Variants in TOX observed in about 807,000 individuals in gnomAD.
The protein encoded by TOX is thymocyte selection-associated high mobility group box protein TOX.
In TOX, 11 loss-of-function variants were observed where a neutral mutation model predicts 53.7. That is an observed-to-expected ratio of 0.20 (90% CI 0.13 to 0.34). The LOEUF (loss-of-function observed/expected upper bound fraction) is 0.34, where lower values mean the gene tolerates loss of function less well. TOX is among the 10% of genes least tolerant of loss of function. The pLI, the probability that TOX is intolerant of heterozygous loss-of-function variation, is 1.00. For synonymous variants in TOX, 225 were observed against 245.3 expected (o/e 0.92, Z 0.77); for missense variants, 570 against 664.6 (o/e 0.86, Z 1.56).
At chr8:59,039,509 C>T (rs1310103417) in intron 1 of TOX, among the ~76,000 whole-genome samples, 1 of 152,144 alleles carries the variant, frequency 6.6e-6, no homozygotes, top group Non-Finnish European at 1.5e-5. Flanking sequence ...TTTTTGTTTA[C>T]ATCTTCATTA....
intron 3 of TOX, among the ~76,000 whole-genome samples, chr8:58,866,775 G>A (rs1273035976): frequency 2.0e-5 from 3 of 152,142 alleles, no homozygotes; most frequent in Non-Finnish European, 2.9e-5. Context: ...TGTGTGCTAC[G>A]GTGAGGCAAG....
chr8:59,001,747 A>G (rs1388267596), intron 1 of TOX, among the ~76,000 whole-genome samples: 2 of 152,188 alleles, frequency 1.3e-5, no homozygotes, highest in Admixed American at 6.5e-5. Context: ...TTCAAGAAGT[A>G]AGAAATAACT....
intron 1 of TOX, among the ~76,000 whole-genome samples, chr8:59,003,142 C>T: frequency 6.6e-6 from 1 of 152,308 alleles, no homozygotes; most frequent in Middle Eastern, 3.4e-3. Flanking sequence ...AAACTTCAAA[C>T]TATTTTTACA....
chr8:58,833,956 A>G (rs1228134280), intron 5 of TOX, among the ~76,000 whole-genome samples: 1 of 152,078 alleles, frequency 6.6e-6, no homozygotes, highest in Non-Finnish European at 1.5e-5. Context: ...AAGATTCTTC[A>G]CAGAAACCAA....
chr8:58,946,665 A>G (rs1398212641), intron 2 of TOX, among the ~76,000 whole-genome samples: 1 of 152,230 alleles, frequency 6.6e-6, no homozygotes, highest in African/African-American at 2.4e-5. Flanking sequence ...AGTTATCAAA[A>G]TGAAATTTTT....
chr8:58,996,369 G>A (rs1330581868), intron 1 of TOX, among the ~76,000 whole-genome samples: 2 of 152,146 alleles, frequency 1.3e-5, no homozygotes, highest in Non-Finnish European at 2.9e-5. Context: ...TCATTTCAGA[G>A]AAGCATCAAA....
Position 58,890,340 on chromosome 8 carries a change from A to G in TOX, c.412-38535T>C, listed in dbSNP as rs578039571. Reference sequence around the variant, plus strand: ...TACAAGAGCACACTGGCAGGAGATAAACTATGTCCACTTGAGAGCATCTTC... The same window carrying G: ...TACAAGAGCACACTGGCAGGAGATAGACTATGTCCACTTGAGAGCATCTTC... On this transcript the variant is annotated intron_variant, in intron 3 of 8. Transcript: ENST00000361421. 9.9e-5 allele frequency among the ~76,000 whole-genome samples: 15 copies of G among 152,266 alleles called. No individual in the cohort carries two copies. In the East Asian group the frequency reaches 2.9e-3, roughly 29 times the overall value.
chr8:59,013,753 T>C (rs1335257575), intron 1 of TOX, among the ~76,000 whole-genome samples: 1 of 152,256 alleles, frequency 6.6e-6, no homozygotes, highest in Non-Finnish European at 1.5e-5. Flanking sequence ...AGGCTAAGCA[T>C]ATTCTGCCCC....
chr8:58,998,534 T>TATATA (rs1554537353), intron 1 of TOX, among the ~76,000 whole-genome samples: 1,390 of 17,952 alleles, frequency 0.077, 30 homozygotes, highest in South Asian at 0.18. Context: ...TATATATATA[T>TATATA]ATATAAATTT....
intron 1 of TOX, among the ~76,000 whole-genome samples, chr8:59,115,090 G>T (rs1218709372): frequency 3.3e-5 from 5 of 152,022 alleles, no homozygotes; most frequent in Non-Finnish European, 7.4e-5. Flanking sequence ...CCAGCATGAA[G>T]CATGGGTTTG....
Position 59,039,476 on chromosome 8 carries a change from C to CT in TOX, c.102+79409dup, listed in dbSNP as rs200811640. 8.4e-4 allele frequency among the ~76,000 whole-genome samples: 128 copies of CT among 152,342 alleles called. 1 individual carries two copies. The East Asian group carries it at 0.022, about 26-fold the overall frequency. ...CCCTTGGTAGTGAACAAGCAGACAG[C>CT]TGAAGGAGTAAAAATTCTAGGATTT... On this transcript the variant is annotated intron_variant, in intron 1 of 8. Coordinates refer to ENST00000361421, the MANE Select transcript of TOX (RefSeq NM_014729.3).
intron 3 of TOX, among the ~76,000 whole-genome samples, chr8:58,865,372 A>G (rs1811079072): frequency 1.3e-5 from 2 of 152,200 alleles, no homozygotes; most frequent in South Asian, 4.1e-4. Context: ...AAAATGTCCA[A>G]ATATTCTCAG....
chr8:58,939,587 C>G (rs748494425), intron 2 of TOX, 43 bp from the exon 3 acceptor site: 2 of 1,568,414 alleles, frequency 1.3e-6, no homozygotes, highest in African/African-American at 2.8e-5. Flanking sequence ...TTATCATCTT[C>G]TTGCTCTTCA....
intron 1 of TOX, among the ~76,000 whole-genome samples, chr8:59,103,581 G>A (rs1179674334): frequency 6.6e-6 from 1 of 152,194 alleles, no homozygotes; most frequent in Non-Finnish European, 1.5e-5. Flanking sequence ...TATGTAGATT[G>A]CAGAGGCAGT....
At chr8:58,966,953 C>G (rs1440456207) in intron 1 of TOX, among the ~76,000 whole-genome samples, 1 of 150,170 alleles carries the variant, frequency 6.7e-6, no homozygotes, top group Non-Finnish European at 1.5e-5. Flanking sequence ...TGGCTCACTG[C>G]AAGCTCTGCC....
At chr8:59,060,937 C>T (rs1397750822) in intron 1 of TOX, among the ~76,000 whole-genome samples, 2 of 152,114 alleles carry the variant, frequency 1.3e-5, no homozygotes, top group Non-Finnish European at 2.9e-5. Context: ...AAGAACAACG[C>T]TACTATTGGG....
intron 1 of TOX, among the ~76,000 whole-genome samples, chr8:58,993,185 T>C (rs1813488927): frequency 2.0e-5 from 3 of 152,092 alleles, no homozygotes; most frequent in African/African-American, 7.2e-5. Flanking sequence ...TTCCTAGCAA[T>C]GAGGACTCCA....
chr8:59,117,747 T>A lies in TOX; in HGVS notation c.102+1139A>T, dbSNP rs1393462330. 1.3e-5 allele frequency among the ~76,000 whole-genome samples: 2 copies of A among 152,246 alleles called. No homozygotes were observed. Among genetic ancestry groups the A allele is most frequent in the Non-Finnish European group, 2.9e-5 (2 of 68,038 alleles). Reference sequence around the variant, plus strand: ...CACCGAGGGTCGCCATGGATGTGCCTGCAGGGGCTGTGAGTATCAGGCAGA... The same window carrying A: ...CACCGAGGGTCGCCATGGATGTGCCAGCAGGGGCTGTGAGTATCAGGCAGA... On this transcript the variant is annotated intron_variant, in intron 1 of 8. Coordinates refer to ENST00000361421, the MANE Select transcript of TOX (RefSeq NM_014729.3). This position sits in a 1 kb window ranked among gnomAD's most constrained non-coding sequence, Gnocchi z 4.6.
chr8:59,080,912 G>A (rs1275222985), intron 1 of TOX, among the ~76,000 whole-genome samples: 2 of 152,158 alleles, frequency 1.3e-5, no homozygotes, highest in Non-Finnish European at 2.9e-5. Flanking sequence ...AACAATGCAA[G>A]AACAGCCTAA....
Sources: gnomAD v4.1 joint callset for allele counts (sites outside exome capture counted in the v4.1 genomes callset) on GRCh38, gnomAD v4.1.1 for gene constraint, Gnocchi (gnomAD v3.1) non-coding constraint, MANE v1.5 for transcripts, NCBI Gene and HGNC (gene_info 2026-07-23, HGNC 2026-07-21) for gene names.